CLMN: variants seen among roughly 807,000 people sequenced by gnomAD.
CLMN encodes the protein calmin (calponin-like, transmembrane).
Under a neutral mutation model 92.7 loss-of-function variants are expected in CLMN, and 57 were observed. The ratio of observed to expected loss-of-function variants is 0.61; its 90% CI spans 0.50 to 0.77. The LOEUF is 0.77. Among genes scored for constraint, CLMN ranks in the 30% least tolerant of loss-of-function variants. CLMN has a pLI of 0.00. For synonymous variants in CLMN, 466 were observed against 470.6 expected (o/e 0.99, Z 0.13); for missense variants, 1,158 against 1,237.5 (o/e 0.94, Z 0.96).
intron 1 of CLMN, among the ~76,000 whole-genome samples, chr14:95,264,601 C>G (rs191871642): frequency 6.6e-6 from 1 of 152,124 alleles, no homozygotes; most frequent in Admixed American, 6.5e-5. Flanking sequence ...TCCAGGCCTC[C>G]CAGGGTCCAT....
intron 1 of CLMN, among the ~76,000 whole-genome samples, chr14:95,249,799 T>C (rs1006428800): frequency 6.6e-6 from 1 of 152,182 alleles, no homozygotes; most frequent in Non-Finnish European, 1.5e-5. Flanking sequence ...TTCACTGTGT[T>C]AGCCAGGGTG....
intron 1 of CLMN, among the ~76,000 whole-genome samples, chr14:95,311,662 CG>C (rs1179116081): frequency 6.6e-6 from 1 of 152,094 alleles, no homozygotes; most frequent in Non-Finnish European, 1.5e-5. Flanking sequence ...TGCATGGGCC[CG>C]TCTGGGACGC....
chr14:95,269,702 T>A (rs936669108), intron 1 of CLMN, among the ~76,000 whole-genome samples: 1 of 152,184 alleles, frequency 6.6e-6, no homozygotes, highest in Non-Finnish European at 1.5e-5. Context: ...CCCAGCTGCC[T>A]GGCACCAAAG....
chr14:95,260,198 T>C (rs1899193909), intron 1 of CLMN, among the ~76,000 whole-genome samples: 1 of 152,094 alleles, frequency 6.6e-6, no homozygotes, highest in Non-Finnish European at 1.5e-5. Flanking sequence ...TCCCAGCACT[T>C]TGGGAGGCCG....
Position 95,203,772 on chromosome 14 carries a change from G to GA in CLMN, c.1576dup (p.Ser526PhefsTer18), listed in dbSNP as rs1311110659. ...CATCACAGTATTTTCTCCTGGGGGT[G>GA]AAAGAGAGTGACTTTCTTCATCGTG... On this transcript the variant is annotated frameshift_variant, in exon 9 of 13. Coordinates refer to ENST00000298912, the MANE Select transcript of CLMN (RefSeq NM_024734.4). LOFTEE classifies it high-confidence loss of function. The GA allele has an allele frequency of 2.6e-5, 42 of 1,614,042 alleles. No individual in the cohort carries two copies. The highest frequency in any genetic ancestry group is 3.1e-5 in the Non-Finnish European group (37 of 1,180,012).
intron 1 of CLMN, among the ~76,000 whole-genome samples, chr14:95,272,319 AG>A (rs1899743275): frequency 6.6e-6 from 1 of 152,064 alleles, no homozygotes; most frequent in South Asian, 2.1e-4. Flanking sequence ...GAAGAGGAGG[AG>A]GAGGGTATTA....
Position 95,210,757 on chromosome 14 carries a change from C to T in CLMN, c.731G>A (p.Arg244Gln), listed in dbSNP as rs754251662. The T allele has an allele frequency of 1.4e-5, 23 of 1,609,250 alleles. No individual in the cohort carries two copies. The highest frequency in any genetic ancestry group is 2.3e-5 in the East Asian group (1 of 44,150). The change falls in exon 7 of 13, where the codon CGA becomes CAA. Residue 244 changes from arginine to glutamine, a missense_variant. Transcript: ENST00000298912. ...GCTGAAAGCCTTCTCTAGATTTTCTCGTGTGGAATTTTCCAGGGCCTGTTT... is the reference window on the plus strand; with the variant it reads ...GCTGAAAGCCTTCTCTAGATTTTCTTGTGTGGAATTTTCCAGGGCCTGTTT... Reference protein sequence around the residue: ...DMKQALENSTRENLEKAFSIA... With the variant: ...DMKQALENSTQENLEKAFSIA...
chr14:95,271,132 C>T (rs987147711), intron 1 of CLMN, among the ~76,000 whole-genome samples: 1 of 152,198 alleles, frequency 6.6e-6, no homozygotes, highest in Non-Finnish European at 1.5e-5. Context: ...CTACTCAAAT[C>T]CTTTGCCCAT....
chr14:95,194,511 A>G lies in CLMN; in HGVS notation c.2769+25T>C, dbSNP rs1896646651. The G allele has an allele frequency of 1.2e-6, 2 of 1,614,186 alleles. No individual in the cohort carries two copies. Among genetic ancestry groups the G allele is most frequent in the African/African-American group, 1.3e-5 (1 of 75,066 alleles). ...GAATTGATTAGCAGGGGCCGTGCGG[A>G]AAGAGAAGAAATTCACATACTAACC... On this transcript the variant is annotated intron_variant, in intron 11 of 12. Coordinates refer to ENST00000298912, the MANE Select transcript of CLMN (RefSeq NM_024734.4). The surrounding 1 kb of genome is among the most constrained non-coding windows in gnomAD (Gnocchi z 4.0).
Position 95,248,981 on chromosome 14 carries a change from T to C in CLMN, c.83-18848A>G, listed in dbSNP as rs115337953. Among the ~76,000 whole-genome samples, 260 of 152,354 alleles carry C rather than the reference T, an allele frequency of 1.7e-3. 1 individual carries two copies. Among genetic ancestry groups the C allele is most frequent in the African/African-American group, 5.7e-3 (239 of 41,586 alleles). On this transcript the variant is annotated intron_variant, in intron 1 of 12. Transcript: ENST00000298912. ...AATCGGGGGAAATATTTACAAATGT[T>C]ATATTTGACAAGAAAATTTTCTTTG...
intron 1 of CLMN, among the ~76,000 whole-genome samples, chr14:95,268,799 T>C (rs1899590190): frequency 2.3e-5 from 3 of 128,102 alleles, no homozygotes; most frequent in Admixed American, 1.5e-4. Context: ...TCTCTCTTTT[T>C]TTTTTTTTTT....
At chr14:95,315,699 G>T (rs562191633) in intron 1 of CLMN, among the ~76,000 whole-genome samples, 25 of 152,290 alleles carry the variant, frequency 1.6e-4, no homozygotes, top group Admixed American at 7.2e-4. Context: ...TCAAAGTCCA[G>T]GTCCAGAATT....
intron 4 of CLMN, among the ~76,000 whole-genome samples, chr14:95,217,560 G>A (rs1050492784): frequency 7.2e-5 from 11 of 152,190 alleles, no homozygotes; most frequent in Non-Finnish European, 1.3e-4. Context: ...TACTATCTCC[G>A]CATTCATCAC....
chr14:95,194,593 A>T lies in CLMN; in HGVS notation c.2712T>A (p.Thr904=). Residue 904 remains threonine, a synonymous_variant, in exon 11 of 13, where the codon ACT becomes ACA. Coordinates refer to ENST00000298912, the MANE Select transcript of CLMN (RefSeq NM_024734.4). The surrounding 1 kb of genome is among the most constrained non-coding windows in gnomAD (Gnocchi z 4.0). The part of the protein sequence containing the change: ...DSSDYSIPSR[T]SHSDSSIYLR... The stretch of plus-strand genomic sequence containing the variant: ...GGTAAATGCTGGAGTCACTGTGACT[A>T]GTCCTGAAAAACAAACACATGTTTT... 6.2e-7 allele frequency: 1 copy of T among 1,614,166 alleles called. No homozygotes were observed. The highest frequency in any genetic ancestry group is 8.5e-7 in the Non-Finnish European group (1 of 1,179,978).
At chr14:95,299,185 G>A (rs1239219942) in intron 1 of CLMN, among the ~76,000 whole-genome samples, 8 of 152,124 alleles carry the variant, frequency 5.3e-5, no homozygotes, top group African/African-American at 2.4e-5. Flanking sequence ...GGGCTGCCCA[G>A]GGTCCTTGCT....
Position 95,273,260 on chromosome 14 carries a change from G to C in CLMN, c.83-43127C>G, listed in dbSNP as rs531638716. Among the ~76,000 whole-genome samples, 14 of 152,302 alleles carry C rather than the reference G, an allele frequency of 9.2e-5. No homozygotes were observed. The South Asian group carries it at 2.7e-3, about 29-fold the overall frequency. ...AGGCGACAGTGTGGAGAGTTGGGCT[G>C]TCTGGCCCAGGACCGCTCTGGGGAG... is the stretch of plus-strand genomic sequence containing the variant. On this transcript the variant is annotated intron_variant, in intron 1 of 12. Transcript: ENST00000298912.
chr14:95,299,990 T>TG (rs1831474445), intron 1 of CLMN, among the ~76,000 whole-genome samples: 1 of 152,250 alleles, frequency 6.6e-6, no homozygotes, highest in Admixed American at 6.5e-5. Flanking sequence ...ACCTCATCAT[T>TG]GTTTTTCTAG....
At chr14:95,211,798 T>TATCCA (rs1566869736) in intron 6 of CLMN, among the ~76,000 whole-genome samples, 1 of 152,172 alleles carries the variant, frequency 6.6e-6, no homozygotes, top group Non-Finnish European at 1.5e-5. Flanking sequence ...CAGGGTGCGT[T>TATCCA]ATCCAAACCA....
intron 6 of CLMN, among the ~76,000 whole-genome samples, chr14:95,211,649 T>C (rs1290741622): frequency 7.7e-6 from 1 of 130,142 alleles, no homozygotes. Context: ...TAAACGCTCT[T>C]AAAAAAAAAA....
Sources: gnomAD v4.1 joint callset for allele counts (sites outside exome capture counted in the v4.1 genomes callset) on GRCh38, gnomAD v4.1.1 for gene constraint, Gnocchi (gnomAD v3.1) non-coding constraint, MANE v1.5 for transcripts, NCBI Gene and HGNC (gene_info 2026-07-23, HGNC 2026-07-21) for gene names.